The following PCNX2 variants were observed in gnomAD, a reference collection of about 807,000 sequenced individuals.
PCNX2 encodes pecanex-like protein 2.
Under a neutral mutation model 223.8 loss-of-function variants are expected in PCNX2, and 168 were observed. The ratio of observed to expected loss-of-function variants is 0.75; its 90% CI spans 0.66 to 0.85. PCNX2 has a LOEUF of 0.85. Ranked by LOEUF, PCNX2 falls within the 40% of genes least tolerant of loss-of-function variation. The pLI is 0.00. For synonymous variants in PCNX2, 1,006 were observed against 1,052.6 expected (o/e 0.96, Z 0.86); for missense variants, 2,507 against 2,675.5 (o/e 0.94, Z 1.39).
At chr1:233,104,584 T>C (rs994950627) in intron 21 of PCNX2, among the ~76,000 whole-genome samples, 1 of 152,112 alleles carries the variant, frequency 6.6e-6, no homozygotes, top group Non-Finnish European at 1.5e-5. Flanking sequence ...GCTTTTAAGA[T>C]ACCTAGCTCA....
chr1:233,018,819 GGGA>G (rs1463216206), intron 26 of PCNX2: 10 of 985,324 alleles, frequency 1.0e-5, no homozygotes, highest in Non-Finnish European at 1.2e-5. Context: ...CAAGGAGGCA[GGGA>G]TGTGTGCTCC....
chr1:233,185,084 A>AACAC (rs60719299), intron 15 of PCNX2, among the ~76,000 whole-genome samples: 2,867 of 141,778 alleles, frequency 0.02, 91 homozygotes, highest in African/African-American at 0.067. Context: ...TACATACATA[A>AACAC]ACACACACAC....
intron 33 of PCNX2, chr1:232,984,776 G>A: frequency 3.3e-6 from 1 of 306,544 alleles, no homozygotes; most frequent in Admixed American, 4.9e-5. Flanking sequence ...CTTTCTAGCT[G>A]TAGTCAGTGT....
chr1:233,150,974 G>A (rs956811411), intron 19 of PCNX2, among the ~76,000 whole-genome samples: 1 of 152,088 alleles, frequency 6.6e-6, no homozygotes, highest in Non-Finnish European at 1.5e-5. Flanking sequence ...TACATGAAGA[G>A]GGCTAGGAGA....
chr1:233,304,011 C>A, the PCNX2 span, among the ~76,000 whole-genome samples: 1 of 152,168 alleles, frequency 6.6e-6, no homozygotes, highest in Non-Finnish European at 1.5e-5. Flanking sequence ...TTAATCATAT[C>A]ACGATTTTGA....
In PCNX2 at chr1:233,014,760, G is replaced by A. The variant is rs763545333; in HGVS notation, c.4857C>T (p.Asp1619=). The change falls in exon 28 of 34, where the codon GAC becomes GAT. Residue 1619 remains aspartate (D), a synonymous_variant. Coordinates refer to ENST00000258229, the MANE Select transcript of PCNX2 (RefSeq NM_014801.4). ...TCACCAAGGGAGAGTCCTCGTCACT[G>A]TCCAGGGTCGTTGAAGGCTGAAAGA... The part of the protein sequence containing the change: ...RKRQEPSTTL[D]SDEDSPLVTL... The A allele has an allele frequency of 1.9e-6, 3 of 1,613,840 alleles. No individual in the cohort carries two copies. The South Asian group carries it at 3.3e-5, about 18-fold the overall frequency.
chr1:233,227,800 ATT>A (rs981314509), intron 9 of PCNX2, among the ~76,000 whole-genome samples: 5 of 152,178 alleles, frequency 3.3e-5, no homozygotes, highest in African/African-American at 1.2e-4. Flanking sequence ...GAGTAAAAAG[ATT>A]TTCATTGGCA....
intron 24 of PCNX2, 69 bp from the exon 25 acceptor site, chr1:233,054,552 G>C: frequency 7.8e-7 from 1 of 1,274,632 alleles, no homozygotes; most frequent in Non-Finnish European, 1.1e-6. Flanking sequence ...CTAGGAAACA[G>C]TGAGTTGTCA....
chr1:233,012,400 C>CT (rs1670500360), intron 28 of PCNX2, among the ~76,000 whole-genome samples: 1 of 151,902 alleles, frequency 6.6e-6, no homozygotes, highest in African/African-American at 2.4e-5. Context: ...AGACCATGGG[C>CT]TTAGGGTGGG....
intron 25 of PCNX2, chr1:233,031,675 A>C: frequency 7.1e-5 from 60 of 844,090 alleles, no homozygotes; most frequent in Non-Finnish European, 8.1e-5. Context: ...GGAAAAGCCC[A>C]GCCGGCTGCA....
rs183181621 is a variant in PCNX2, at chr1:233,215,742, G to T, written c.2691+2157C>A. ...GGAGAATGGTGATGTGGCATCTAGG[G>T]TGGGCTTGAACAAAAAAGCTTCAAA... On this transcript the variant is annotated intron_variant, in intron 12 of 33. Transcript: ENST00000258229. 4.6e-5 allele frequency among the ~76,000 whole-genome samples: 7 copies of T among 152,308 alleles called. No individual in the cohort carries two copies. In the South Asian group the frequency reaches 6.2e-4, roughly 14 times the overall value.
intron 19 of PCNX2, among the ~76,000 whole-genome samples, chr1:233,157,728 A>T (rs970580082): frequency 6.6e-6 from 1 of 152,244 alleles, no homozygotes; most frequent in Non-Finnish European, 1.5e-5. Flanking sequence ...AAGGAAATTC[A>T]GGACACAGAT....
chr1:233,145,594 G>A lies in PCNX2; in HGVS notation c.3518-5739C>T, dbSNP rs561289010. Among the ~76,000 whole-genome samples, 25 of 152,062 alleles carry A rather than the reference G, an allele frequency of 1.6e-4. No homozygotes were observed. In the South Asian group the frequency reaches 2.3e-3, roughly 14 times the overall value. Reference sequence around the variant, plus strand: ...AATCTGTTTACAGGGCTGGCATCTCGCCTTCTGGAGACCTCAGGCCCCTTT... The same window carrying A: ...AATCTGTTTACAGGGCTGGCATCTCACCTTCTGGAGACCTCAGGCCCCTTT... On this transcript the variant is annotated intron_variant, in intron 19 of 33. Transcript: ENST00000258229.
At chr1:233,179,576 A>G (rs1057130559) in intron 15 of PCNX2, among the ~76,000 whole-genome samples, 1 of 152,248 alleles carries the variant, frequency 6.6e-6, no homozygotes, top group Non-Finnish European at 1.5e-5. Context: ...TAAAAATGAC[A>G]TAAGAGATTA....
intron 8 of PCNX2, among the ~76,000 whole-genome samples, chr1:233,239,583 G>GT (rs1342271926): frequency 6.6e-6 from 1 of 152,152 alleles, no homozygotes; most frequent in Admixed American, 6.5e-5. Context: ...CTATAAGCAT[G>GT]TTGTCTTCCT....
chr1:233,191,127 G>A (rs1332207516), intron 15 of PCNX2, among the ~76,000 whole-genome samples: 1 of 152,164 alleles, frequency 6.6e-6, no homozygotes, highest in African/African-American at 2.4e-5. Context: ...AGAAAAAGTT[G>A]TGTAACAATC....
In PCNX2 at chr1:233,102,074, G is replaced by A. The variant is rs1674511883; in HGVS notation, c.3838-6211C>T. Among the ~76,000 whole-genome samples the A allele has an allele frequency of 3.3e-5, 5 of 149,286 alleles. No individual in the cohort carries two copies. In the South Asian group the frequency reaches 1.1e-3, roughly 32 times the overall value. ...AACTTCCTCACAGGAGTAAATGCATGAGATTCATTTTTCTTTTTTTTTTTT... is the reference window on the plus strand; with the variant it reads ...AACTTCCTCACAGGAGTAAATGCATAAGATTCATTTTTCTTTTTTTTTTTT... On this transcript the variant is annotated intron_variant, in intron 21 of 33. Transcript: ENST00000258229.
intron 21 of PCNX2, 105 bp from the exon 22 acceptor site, chr1:233,095,968 A>AGT: frequency 1.3e-6 from 1 of 744,828 alleles, no homozygotes; most frequent in Non-Finnish European, 2.2e-6. Flanking sequence ...AGGGGCAGTG[A>AGT]AACTACTCTC....
chr1:233,068,089 T>G (rs1472688525), intron 23 of PCNX2, among the ~76,000 whole-genome samples: 1 of 152,042 alleles, frequency 6.6e-6, no homozygotes, highest in Non-Finnish European at 1.5e-5. Flanking sequence ...ACACCTTATC[T>G]AAAAAGGAAA....
Sources: gnomAD v4.1 joint callset for allele counts (sites outside exome capture counted in the v4.1 genomes callset) on GRCh38, gnomAD v4.1.1 for gene constraint, MANE v1.5 for transcripts, NCBI Gene and HGNC (gene_info 2026-07-23, HGNC 2026-07-21) for gene names.